Variants in INSYN2B observed in about 807,000 individuals in gnomAD.
INSYN2B encodes protein INSYN2B.
INSYN2B carries 16 observed loss-of-function variants against 41.2 expected under a neutral mutation model. That is an observed-to-expected ratio of 0.39 (90% CI 0.26 to 0.59). The LOEUF is 0.59. Ranked by LOEUF, INSYN2B falls within the 20% of genes least tolerant of loss-of-function variation. The probability of loss-of-function intolerance (pLI) is 0.57; values close to 1 mark genes in which losing one functional copy is unlikely to be tolerated. For missense variants in INSYN2B, 608 were observed against 646.4 expected, an observed-to-expected ratio of 0.94 and a Z score of 0.64; for synonymous variants, 245 against 244.4, an observed-to-expected ratio of 1.00 and a Z score of -0.02.
In INSYN2B at chr5:169,883,125, G is replaced by A. The variant is rs1328722243; in HGVS notation, c.774C>T (p.Cys258=). 2 of 1,551,476 alleles carry A rather than the reference G, an allele frequency of 1.3e-6. No homozygotes were observed. Among genetic ancestry groups the A allele is most frequent in the African/African-American group, 2.7e-5 (2 of 73,036 alleles). Residue 258 remains cysteine, a synonymous_variant, in exon 2 of 4, where the codon TGC becomes TGT. Transcript: ENST00000377365. ...GGCTGGCAACGCTGGTGGCATTTAAGCAGGAGGTGGATTTTTCTGAATCTA... is the reference window on the plus strand; with the variant it reads ...GGCTGGCAACGCTGGTGGCATTTAAACAGGAGGTGGATTTTTCTGAATCTA... ...TPLDSEKSTS[C]LNATSVASHT...
chr5:169,869,412 G>A (rs1447141534), intron 3 of INSYN2B, among the ~76,000 whole-genome samples: 3 of 152,226 alleles, frequency 2.0e-5, no homozygotes, highest in African/African-American at 7.2e-5. Flanking sequence ...AAGTGTGTGT[G>A]CTTCGGAAAG....
Position 169,883,334 on chromosome 5 carries a change from C to T in INSYN2B, c.565G>A (p.Ala189Thr), listed in dbSNP as rs1772777930. ...TTCTCTAAGGACCTCCAAGTTCCTGCTTCCAAGCATATGCTAACAGGACCA... is the reference window on the plus strand; with the variant it reads ...TTCTCTAAGGACCTCCAAGTTCCTGTTTCCAAGCATATGCTAACAGGACCA... ...SNGPVSICLE[A>T]GTWRSLEKAT... The change falls in exon 2 of 4, where the codon GCA becomes ACA. Residue 189 changes from alanine to threonine, a missense_variant. Ala to Thr is a moderately conservative substitution (Grantham distance 58). Coordinates refer to ENST00000377365, the MANE Select transcript of INSYN2B (RefSeq NM_001129891.3). The T allele has an allele frequency of 1.3e-6, 2 of 1,551,614 alleles. No homozygotes were observed. The highest frequency in any genetic ancestry group is 1.7e-6 in the Non-Finnish European group (2 of 1,146,926).
At chr5:169,938,098 C>T (rs1439483751) in intron 1 of INSYN2B, among the ~76,000 whole-genome samples, 5 of 152,224 alleles carry the variant, frequency 3.3e-5, no homozygotes, top group Non-Finnish European at 7.3e-5. Context: ...CTAACATGCA[C>T]CAGCCATGGA....
At chr5:169,903,029 T>A (rs1051961935) in intron 1 of INSYN2B, among the ~76,000 whole-genome samples, 1 of 149,626 alleles carries the variant, frequency 6.7e-6, no homozygotes. Context: ...ACAAAGGAGG[T>A]GGAGGTTGCA....
chr5:169,902,646 C>T (rs1773993610), intron 1 of INSYN2B, among the ~76,000 whole-genome samples: 1 of 152,308 alleles, frequency 6.6e-6, no homozygotes, highest in Middle Eastern at 3.4e-3. Flanking sequence ...TGGCATGATG[C>T]TGAGTGTTCC....
At chr5:169,938,375 C>A (rs1386305851) in intron 1 of INSYN2B, among the ~76,000 whole-genome samples, 1 of 152,110 alleles carries the variant, frequency 6.6e-6, no homozygotes, top group Non-Finnish European at 1.5e-5. Context: ...AGTGTACTCA[C>A]ACGAAGCTAG....
At chr5:169,904,644 C>G (rs1239000375) in intron 1 of INSYN2B, among the ~76,000 whole-genome samples, 1 of 152,176 alleles carries the variant, frequency 6.6e-6, no homozygotes, top group African/African-American at 2.4e-5. Flanking sequence ...CTAGTGAGGG[C>G]CCCGCAGTCC....
At chr5:169,888,434 CT>C (rs1219073069) in intron 1 of INSYN2B, among the ~76,000 whole-genome samples, 1 of 152,202 alleles carries the variant, frequency 6.6e-6, no homozygotes, top group African/African-American at 2.4e-5. Context: ...TGATTATTGA[CT>C]TTAGTGAACA....
chr5:169,868,343 C>T (rs750321702), intron 3 of INSYN2B, among the ~76,000 whole-genome samples: 2 of 152,220 alleles, frequency 1.3e-5, no homozygotes, highest in Non-Finnish European at 1.5e-5. Context: ...TGAATACACA[C>T]ATGCACCAAC....
intron 1 of INSYN2B, among the ~76,000 whole-genome samples, chr5:169,965,457 G>C (rs1010758688): frequency 5.3e-5 from 8 of 152,186 alleles, no homozygotes; most frequent in African/African-American, 1.9e-4. Context: ...TAAATAGCTT[G>C]CTGAAGATCA....
chr5:169,888,090 C>T (rs2113527853), intron 1 of INSYN2B, among the ~76,000 whole-genome samples: 1 of 152,286 alleles, frequency 6.6e-6, no homozygotes, highest in East Asian at 1.9e-4. Flanking sequence ...TGTGGAAACT[C>T]TCGTATTTTT....
intron 1 of INSYN2B, among the ~76,000 whole-genome samples, chr5:169,897,919 A>C (rs1048934406): frequency 1.3e-5 from 2 of 152,214 alleles, no homozygotes; most frequent in Non-Finnish European, 1.5e-5. Context: ...CTCTAATAAA[A>C]ACCATTTCCT....
At chr5:169,970,069 A>G (rs1487195902) in intron 1 of INSYN2B, among the ~76,000 whole-genome samples, 1 of 152,204 alleles carries the variant, frequency 6.6e-6, no homozygotes, top group Admixed American at 6.5e-5. Context: ...GAAGCCTCCC[A>G]TGTCCCACCC....
chr5:169,942,988 C>A (rs1776300665), intron 1 of INSYN2B, among the ~76,000 whole-genome samples: 2 of 152,188 alleles, frequency 1.3e-5, no homozygotes, highest in Admixed American at 6.5e-5. Context: ...ATGCGTGGGA[C>A]AAACATGGTT....
intron 1 of INSYN2B, among the ~76,000 whole-genome samples, chr5:169,968,892 T>A (rs1777397552): frequency 6.6e-6 from 1 of 152,180 alleles, no homozygotes; most frequent in Non-Finnish European, 1.5e-5. Context: ...TCTTTAAAAA[T>A]GAATTATGCA....
chr5:169,944,792 A>C (rs1316572600), intron 1 of INSYN2B, among the ~76,000 whole-genome samples: 2 of 152,308 alleles, frequency 1.3e-5, no homozygotes, highest in Middle Eastern at 3.4e-3. Context: ...GTTGTCTGTG[A>C]TGATCGGAAA....
intron 1 of INSYN2B, among the ~76,000 whole-genome samples, chr5:169,925,294 G>A (rs1015385082): frequency 6.6e-6 from 1 of 152,154 alleles, no homozygotes; most frequent in Non-Finnish European, 1.5e-5. Context: ...AACCCTGCAG[G>A]TAAGACCCTA....
chr5:169,935,215 G>C (rs766076220), intron 1 of INSYN2B, among the ~76,000 whole-genome samples: 4 of 150,182 alleles, frequency 2.7e-5, no homozygotes, highest in Admixed American at 6.6e-5. Context: ...TGCCGTTTCT[G>C]AGTAAATTTG....
chr5:169,880,213 C>T (rs932813516), intron 3 of INSYN2B, among the ~76,000 whole-genome samples: 7 of 152,304 alleles, frequency 4.6e-5, no homozygotes, highest in Non-Finnish European at 7.4e-5. Context: ...GCAGTCCTGA[C>T]GCTTCTGTTA....
Sources: gnomAD v4.1 joint callset for allele counts (sites outside exome capture counted in the v4.1 genomes callset) on GRCh38, gnomAD v4.1.1 for gene constraint, MANE v1.5 for transcripts, NCBI Gene and HGNC (gene_info 2026-07-23, HGNC 2026-07-21) for gene names.